Variants in MTERF1 observed in about 807,000 individuals in gnomAD.
The protein encoded by MTERF1 is transcription termination factor 1, mitochondrial.
Under a neutral mutation model 31.6 loss-of-function variants are expected in MTERF1, and 29 were observed. The ratio of observed to expected loss-of-function variants is 0.92; its 90% CI spans 0.68 to 1.25. The LOEUF is 1.25. Ranked by LOEUF, MTERF1 falls within the 50% of genes most tolerant of loss-of-function variation. The pLI is 0.00. For missense variants in MTERF1, 500 were observed against 469.1 expected, an observed-to-expected ratio of 1.07 and a Z score of -0.61; for synonymous variants, 152 against 164.1, an observed-to-expected ratio of 0.93 and a Z score of 0.57.
At chr7:91,879,239 C>T (rs972052569) in intron 2 of MTERF1, among the ~76,000 whole-genome samples, 1 of 151,988 alleles carries the variant, frequency 6.6e-6, no homozygotes, top group African/African-American at 2.4e-5. Flanking sequence ...AAATGGCCAC[C>T]AATAGAATAA....
intron 2 of MTERF1, among the ~76,000 whole-genome samples, chr7:91,877,207 C>T (rs2130318302): frequency 6.6e-6 from 1 of 152,332 alleles, no homozygotes; most frequent in African/African-American, 2.4e-5. Context: ...CTAGACAGTG[C>T]ACTTTCTTAG....
chr7:91,877,045 G>A (rs2130317417), intron 2 of MTERF1: 1 of 538,188 alleles, frequency 1.9e-6, no homozygotes, highest in Middle Eastern at 9.3e-4. Context: ...ATTTGTATTT[G>A]TCTTAGCCTT....
rs780243279 is a variant in MTERF1 at position 91,874,449 on chromosome 7, T to C, written c.345A>G (p.Gly115=). 1.2e-6 allele frequency: 2 copies of C among 1,614,096 alleles called. No homozygotes were observed. Among genetic ancestry groups the C allele is most frequent in the Non-Finnish European group, 1.7e-6 (2 of 1,180,008 alleles). Residue 115 remains glycine, a synonymous_variant, in exon 3 of 3, where the codon GGA becomes GGG. Transcript: ENST00000351870. ...QDLKMFLLSK[G]ASKEVIASII... The stretch of plus-strand genomic sequence containing the variant: ...TGCTAGCGATCACTTCTTTGCTAGC[T>C]CCTTTGGAAAGAAGGAACATCTTCA...
rs779096548 is a variant in MTERF1 at position 91,874,433 on chromosome 7, T to A, written c.361A>T (p.Ile121Phe). 289 of 1,614,004 alleles carry A rather than the reference T, an allele frequency of 1.8e-4. No homozygotes were observed. Among genetic ancestry groups the A allele is most frequent in the Non-Finnish European group, 2.2e-4 (262 of 1,180,032 alleles). ...LLSKGASKEV[I>F]ASIISRYPRA... ...GGATATCTTGATATGATGCTAGCGATCACTTCTTTGCTAGCTCCTTTGGAA... is the reference window on the plus strand; with the variant it reads ...GGATATCTTGATATGATGCTAGCGAACACTTCTTTGCTAGCTCCTTTGGAA... Residue 121 changes from isoleucine to phenylalanine, a missense_variant, in exon 3 of 3, where the codon ATC (isoleucine) becomes TTC (phenylalanine). By Grantham distance (21) the Ile-to-Phe change is conservative. Coordinates refer to ENST00000351870, the MANE Select transcript of MTERF1 (RefSeq NM_006980.5).
chr7:91,880,165 T>C, intron 1 of MTERF1, 52 bp from the exon 2 acceptor site: 1 of 1,455,344 alleles, frequency 6.9e-7, no homozygotes, highest in Non-Finnish European at 9.5e-7. Flanking sequence ...CAGGCCTTCC[T>C]AATACAAAAT....
rs776084977 is a variant in MTERF1 at position 91,874,606 on chromosome 7, T to C, written c.188A>G (p.His63Arg). 7 of 1,614,130 alleles carry C rather than the reference T, an allele frequency of 4.3e-6. No homozygotes were observed. The highest frequency in any genetic ancestry group is 2.2e-5 in the East Asian group (1 of 44,870). ...VSFRLFGVKCHNTDSEPLKNE... is the reference protein window; with the variant it reads ...VSFRLFGVKCRNTDSEPLKNE... ...TTTCAAAGGCTCACTGTCTGTATTA[T>C]GACACTTCACACCAAAAAGCCTAAA... The change falls in exon 3 of 3, where the codon CAT (histidine) becomes CGT (arginine). Residue 63 changes from histidine to arginine, a missense_variant. By Grantham distance (29) the His-to-Arg change is conservative. Coordinates refer to ENST00000351870, the MANE Select transcript of MTERF1 (RefSeq NM_006980.5).
At position 91,873,221 on chromosome 7, in the gene MTERF1, TA is replaced by T; in HGVS notation, c.*372del. On this transcript the variant is annotated 3_prime_UTR_variant, in exon 3 of 3. Coordinates refer to ENST00000351870, the MANE Select transcript of MTERF1 (RefSeq NM_006980.5). ...AAGTTTGACATTGATCTCACTGGGCTAAAAAGGTGCCAGCAAGGCTGCATTC... is the reference window on the plus strand; with the variant it reads ...AAGTTTGACATTGATCTCACTGGGCTAAAAGGTGCCAGCAAGGCTGCATTC... 6.0e-6 allele frequency: 1 copy of T among 165,508 alleles called. No individual in the cohort carries two copies. The allele number at this position is 165,508 out of a possible 1,614,324, so 10.3% of individuals were successfully genotyped here.
At chr7:91,879,457 A>G (rs565270299) in intron 2 of MTERF1, among the ~76,000 whole-genome samples, 1 of 152,366 alleles carries the variant, frequency 6.6e-6, no homozygotes, top group Admixed American at 6.5e-5. Flanking sequence ...AGATTATTAG[A>G]GGCTATGTAC....
intron 2 of MTERF1, among the ~76,000 whole-genome samples, chr7:91,875,476 A>G (rs1307646233): frequency 6.6e-6 from 1 of 151,996 alleles, no homozygotes. Context: ...ACTGGTCTCA[A>G]ACTCCTGGGC....
rs1261841905 is a variant in MTERF1 at position 91,870,944 on chromosome 7, T to G, written c.*2650A>C. 6.7e-6 allele frequency: 1 copy of G among 150,108 alleles called. No individual in the cohort carries two copies. Among genetic ancestry groups the G allele is most frequent in the Non-Finnish European group, 1.5e-5 (1 of 67,508 alleles). The allele number at this position is 150,108 out of a possible 1,614,324, so 9.3% of individuals were successfully genotyped here. A position where few individuals can be genotyped will look rare whatever the true frequency, so the allele number is the denominator to read the frequency against. ...GGCCGGCCTTTTTTTTTTTTTTTTTTTCCCTACTAGCAATGATATCTTGCT... is the reference window on the plus strand; with the variant it reads ...GGCCGGCCTTTTTTTTTTTTTTTTTGTCCCTACTAGCAATGATATCTTGCT... On this transcript the variant is annotated 3_prime_UTR_variant, in exon 3 of 3. Transcript: ENST00000351870.
At chr7:91,879,704 G>T (rs1214503310) in intron 2 of MTERF1, among the ~76,000 whole-genome samples, 1 of 152,128 alleles carries the variant, frequency 6.6e-6, no homozygotes, top group African/African-American at 2.4e-5. Flanking sequence ...TAGGGTAAAT[G>T]AACATCTAAA....
chr7:91,873,963 T>C lies in MTERF1; in HGVS notation c.831A>G (p.Pro277=), dbSNP rs1230766679. The C allele has an allele frequency of 6.2e-7, 1 of 1,614,094 alleles. No individual in the cohort carries two copies. The highest frequency in any genetic ancestry group is 8.5e-7 in the Non-Finnish European group (1 of 1,180,026). ...TGGAAAGGTCTAGGATTTCAGCTCCTGGACCACATATCAGAACCAGCAGTT... is the reference window on the plus strand; with the variant it reads ...TGGAAAGGTCTAGGATTTCAGCTCCCGGACCACATATCAGAACCAGCAGTT... ...SEELLVLICG[P]GAEILDLSND... is the part of the protein sequence containing the mutation. The change falls in exon 3 of 3, where the codon CCA becomes CCG. Residue 277 remains proline (P), a synonymous_variant. Transcript: ENST00000351870.
intron 2 of MTERF1, among the ~76,000 whole-genome samples, chr7:91,878,651 AAAGT>A (rs1400890059): frequency 6.6e-6 from 1 of 152,178 alleles, no homozygotes; most frequent in African/African-American, 2.4e-5. Context: ...CCTGGACAAC[AAAGT>A]GAGACCCTTA....
intron 2 of MTERF1, among the ~76,000 whole-genome samples, chr7:91,878,743 G>C (rs1789413521): frequency 6.6e-6 from 1 of 152,112 alleles, no homozygotes; most frequent in African/African-American, 2.4e-5. Context: ...GCTGAGGTAG[G>C]AGGACTGCTT....
Position 91,874,464 on chromosome 7 carries a change from G to A in MTERF1, c.330C>T (p.Phe110=), listed in dbSNP as rs1689625328. 6.2e-6 allele frequency: 10 copies of A among 1,614,040 alleles called. No individual in the cohort carries two copies. Among genetic ancestry groups the A allele is most frequent in the Non-Finnish European group, 7.6e-6 (9 of 1,180,014 alleles). The change falls in exon 3 of 3, where the codon TTC becomes TTT. Residue 110 remains phenylalanine (F), a synonymous_variant. Transcript: ENST00000351870. ...MITNEQDLKM[F]LLSKGASKEV... is the part of the protein sequence containing the mutation. ...CTTTGCTAGCTCCTTTGGAAAGAAG[G>A]AACATCTTCAGGTCCTGCTCATTGG...
chr7:91,879,935 G>A, intron 2 of MTERF1, 120 bp downstream of exon 2: 1 of 1,143,980 alleles, frequency 8.7e-7, no homozygotes, highest in Non-Finnish European at 1.3e-6. Context: ...CCCCACAACT[G>A]GCCTGTTAAA....
Position 91,872,761 on chromosome 7 carries a change from T to C in MTERF1, c.*833A>G, listed in dbSNP as rs550834093. On this transcript the variant is annotated 3_prime_UTR_variant, in exon 3 of 3. Coordinates refer to ENST00000351870, the MANE Select transcript of MTERF1 (RefSeq NM_006980.5). Reference sequence around the variant, plus strand: ...TCTTTCAGTTTATGTCAGAGCTAGATTGTATCTTGAAAATACCGACATTAT... The same window carrying C: ...TCTTTCAGTTTATGTCAGAGCTAGACTGTATCTTGAAAATACCGACATTAT... The C allele has an allele frequency of 1.8e-4, 27 of 152,332 alleles. No individual in the cohort carries two copies. Among genetic ancestry groups the C allele is most frequent in the Admixed American group, 4.6e-4 (7 of 15,302 alleles). The allele number at this position is 152,332 out of a possible 1,614,324, so 9.4% of individuals were successfully genotyped here.
chr7:91,876,389 T>A (rs978738097), intron 2 of MTERF1, among the ~76,000 whole-genome samples: 2 of 152,232 alleles, frequency 1.3e-5, no homozygotes, highest in Non-Finnish European at 2.9e-5. Flanking sequence ...TTACTTACAA[T>A]GGGCTCTTAC....
At chr7:91,878,821 T>C (rs1213144936) in intron 2 of MTERF1, among the ~76,000 whole-genome samples, 2 of 151,856 alleles carry the variant, frequency 1.3e-5, no homozygotes, top group Non-Finnish European at 2.9e-5. Context: ...GATGACAGAG[T>C]GAGCCCATCT....
Sources: allele counts gnomAD v4.1 joint callset (sites outside exome capture counted in the v4.1 genomes callset), GRCh38; gene constraint gnomAD v4.1.1; transcripts MANE v1.5; gene names NCBI Gene and HGNC (gene_info 2026-07-23, HGNC 2026-07-21).